The following PRELID3A variants were observed in gnomAD, a reference collection of about 807,000 sequenced individuals.
The protein encoded by PRELID3A is PRELI domain containing 3A.
A neutral mutation model predicts 23.0 loss-of-function variants in PRELID3A; 27 were observed. The observed-to-expected ratio is 1.17, with a 90% CI of 0.87 to 1.62. The LOEUF (loss-of-function observed/expected upper bound fraction) is 1.62. PRELID3A is among the 40% of genes most tolerant of loss of function. PRELID3A has a pLI of 0.00. For missense variants in PRELID3A, 231 were observed against 231.4 expected (o/e 1.00, Z 0.01); for synonymous variants, 87 against 86.4 (o/e 1.01, Z -0.04).
chr18:12,423,156 G>A (rs546878643), intron 3 of PRELID3A, among the ~76,000 whole-genome samples: 4 of 152,314 alleles, frequency 2.6e-5, no homozygotes, highest in African/African-American at 9.6e-5. Context: ...GAGCCTTAGA[G>A]AGCCACAAAC....
intron 3 of PRELID3A, among the ~76,000 whole-genome samples, chr18:12,426,563 A>AAAAAAAAAAAAAAAAAAG (rs67993774): frequency 0.26 from 22,595 of 86,738 alleles, 5,873 homozygotes; most frequent in African/African-American, 0.31. Context: ...CAAAAAAAAA[A>AAAAAAAAAAAAAAAAAAG]AAAGTATAAA....
chr18:12,430,539 GTA>G (rs770354280), intron 6 of PRELID3A, among the ~76,000 whole-genome samples: 20 of 149,838 alleles, frequency 1.3e-4, no homozygotes, highest in Admixed American at 3.3e-4. Context: ...TGTGTGATGT[GTA>G]TATGTGTGTG....
At position 12,428,165 on chromosome 18, in the gene PRELID3A, AGAAAG is replaced by A. The variant is rs572123959; in HGVS notation, c.465+845_465+849del. Reference sequence around the variant, plus strand: ...CAGTAAGCTTTGTGGAGGTGAGAGGAGAAAGGATAGATCCCAGGAGGCCATCCATG... The same window carrying A: ...CAGTAAGCTTTGTGGAGGTGAGAGGAGATAGATCCCAGGAGGCCATCCATG... On this transcript the variant is annotated intron_variant, in intron 5 of 6. Coordinates refer to ENST00000440960, the MANE Select transcript of PRELID3A (RefSeq NM_001142405.2). 1.2e-3 allele frequency among the ~76,000 whole-genome samples: 182 copies of A among 152,260 alleles called. 1 individual carries two copies. The highest frequency in any genetic ancestry group is 4.0e-3 in the African/African-American group (165 of 41,536).
rs1355904953 is a variant in PRELID3A at position 12,425,358 on chromosome 18, T to C, written c.292-1683T>C. ...AATATAGGCTGGGCGCAGTGGCTCA[T>C]GCCTGTAATCCCAGCACTTTGGGAG... is the stretch of plus-strand genomic sequence containing the variant. On this transcript the variant is annotated intron_variant, in intron 3 of 6. Transcript: ENST00000440960. 3.3e-5 allele frequency among the ~76,000 whole-genome samples: 5 copies of C among 150,634 alleles called. No individual in the cohort carries two copies. In the East Asian group the frequency reaches 7.9e-4, roughly 24 times the overall value.
At chr18:12,411,411 A>T (rs1406088209) in intron 1 of PRELID3A, among the ~76,000 whole-genome samples, 2 of 142,060 alleles carry the variant, frequency 1.4e-5, no homozygotes, top group East Asian at 4.6e-4. Flanking sequence ...ACTTGCAGTG[A>T]GCCGAGATCG....
chr18:12,419,609 A>G (rs559650585), intron 1 of PRELID3A, among the ~76,000 whole-genome samples: 1 of 150,910 alleles, frequency 6.6e-6, no homozygotes, highest in African/African-American at 2.4e-5. Flanking sequence ...AGCCTGGGTG[A>G]TAGAGTGAGA....
intron 5 of PRELID3A, among the ~76,000 whole-genome samples, chr18:12,427,700 A>T (rs377286236): frequency 1.9e-4 from 29 of 151,812 alleles, no homozygotes; most frequent in Admixed American, 3.9e-4. Context: ...TTAAAAAAAA[A>T]AATAAAAATA....
intron 1 of PRELID3A, among the ~76,000 whole-genome samples, chr18:12,416,882 C>T (rs976490230): frequency 4.0e-5 from 6 of 151,894 alleles, no homozygotes; most frequent in African/African-American, 1.2e-4. Context: ...CCTGACCTCG[C>T]GATCCACCAG....
chr18:12,408,153 C>T (rs1011256693), intron 1 of PRELID3A, 146 bp downstream of exon 1: 1 of 714,134 alleles, frequency 1.4e-6, no homozygotes, highest in Admixed American at 4.4e-5. Context: ...CAGACCGCAA[C>T]TTCGGCGTCC....
intron 3 of PRELID3A, chr18:12,422,285 A>C (rs1598861567): frequency 7.3e-6 from 1 of 137,908 alleles, no homozygotes; most frequent in African/African-American, 2.8e-5. Flanking sequence ...TGCAACCTCC[A>C]CTTCATGGGT....
rs1394065351 is a variant in PRELID3A, at chr18:12,431,610, G to C, written c.*494G>C. 1 of 152,550 alleles carries C rather than the reference G, an allele frequency of 6.6e-6. No individual in the cohort carries two copies. Among genetic ancestry groups the C allele is most frequent in the Non-Finnish European group, 1.5e-5 (1 of 68,360 alleles). The allele number at this position is 152,550 out of a possible 1,614,324, so 9.4% of individuals were successfully genotyped here. On this transcript the variant is annotated 3_prime_UTR_variant, in exon 7 of 7. Transcript: ENST00000440960. ...GCTCTCCTGGGCCCGCGGCTGCTCCGGGCCTCACATCTGCTGCTGGCCTCG... is the reference window on the plus strand; with the variant it reads ...GCTCTCCTGGGCCCGCGGCTGCTCCCGGCCTCACATCTGCTGCTGGCCTCG...
intron 6 of PRELID3A, among the ~76,000 whole-genome samples, chr18:12,430,079 C>T (rs548781811): frequency 6.6e-6 from 1 of 152,360 alleles, no homozygotes; most frequent in African/African-American, 2.4e-5. Context: ...TGCTCGTCCC[C>T]ATCTGTCCCC....
At chr18:12,415,499 C>T (rs1486639212) in intron 1 of PRELID3A, among the ~76,000 whole-genome samples, 3 of 151,344 alleles carry the variant, frequency 2.0e-5, no homozygotes, top group East Asian at 2.0e-4. Flanking sequence ...TCAAGTGATC[C>T]GCCCGCCTCG....
At chr18:12,421,225 C>T (rs1380001181) in intron 2 of PRELID3A, 7 of 331,880 alleles carry the variant, frequency 2.1e-5, no homozygotes, top group Non-Finnish European at 3.9e-5. Flanking sequence ...ATGGTGGTAC[C>T]TTCCTCTTTG....
At chr18:12,421,085 A>T (rs59551512) in intron 2 of PRELID3A, among the ~76,000 whole-genome samples, 1 of 151,808 alleles carries the variant, frequency 6.6e-6, no homozygotes, top group East Asian at 1.9e-4. Context: ...GCTCACCCCA[A>T]CCCGGCCCCT....
chr18:12,429,879 A>G (rs2030509663), intron 6 of PRELID3A, among the ~76,000 whole-genome samples: 1 of 152,250 alleles, frequency 6.6e-6, no homozygotes, highest in Non-Finnish European at 1.5e-5. Context: ...ACACGGCTGC[A>G]GCCGGCCATT....
chr18:12,428,448 C>T (rs1048750572), intron 5 of PRELID3A, among the ~76,000 whole-genome samples: 7 of 152,190 alleles, frequency 4.6e-5, no homozygotes, highest in Non-Finnish European at 7.3e-5. Context: ...TTTCTCTTCC[C>T]TCCTTTTTGG....
At chr18:12,412,885 T>C (rs1040654930) in intron 1 of PRELID3A, among the ~76,000 whole-genome samples, 1 of 152,256 alleles carries the variant, frequency 6.6e-6, no homozygotes, top group Non-Finnish European at 1.5e-5. Context: ...AAAAACTGTA[T>C]TTTCCAAAAA....
intron 3 of PRELID3A, among the ~76,000 whole-genome samples, chr18:12,426,435 TC>T (rs1246000360): frequency 6.6e-6 from 1 of 150,598 alleles, no homozygotes; most frequent in Non-Finnish European, 1.5e-5. Context: ...GTGCCTGTAG[TC>T]CCAGCTACTC....
Sources: allele counts gnomAD v4.1 joint callset (sites outside exome capture counted in the v4.1 genomes callset), GRCh38; gene constraint gnomAD v4.1.1; transcripts MANE v1.5; gene names NCBI Gene and HGNC (gene_info 2026-07-23, HGNC 2026-07-21).